CNIH3: variants seen among roughly 807,000 people sequenced by gnomAD.
CNIH3 encodes the protein protein cornichon homolog 3.
Under a neutral mutation model 24.1 loss-of-function variants are expected in CNIH3, and 14 were observed. The ratio of observed to expected loss-of-function variants is 0.58; its 90% CI spans 0.38 to 0.91. The LOEUF is 0.91. Among genes scored for constraint, CNIH3 ranks in the 40% least tolerant of loss-of-function variants. The pLI is 0.00. For synonymous variants in CNIH3, 68 were observed against 73.8 expected, an observed-to-expected ratio of 0.92 and a Z score of 0.40; for missense variants, 178 against 196.8, an observed-to-expected ratio of 0.90 and a Z score of 0.57.
At chr1:224,706,400 TC>T (rs1457484222) in intron 3 of CNIH3, among the ~76,000 whole-genome samples, 1 of 152,130 alleles carries the variant, frequency 6.6e-6, no homozygotes, top group Non-Finnish European at 1.5e-5. Context: ...CCTCGCCTGT[TC>T]CGGAGGGTCG....
At chr1:224,590,351 T>G (rs575724872), downstream of CNIH3, among the ~76,000 whole-genome samples, 7 of 152,354 alleles carry the variant, frequency 4.6e-5, no homozygotes, top group Non-Finnish European at 1.0e-4. Flanking sequence ...CCCTTTTTTG[T>G]GTAACTGCTG....
intron 1 of CNIH3, among the ~76,000 whole-genome samples, chr1:224,519,121 A>G (rs1678516329): frequency 6.6e-6 from 1 of 152,212 alleles, no homozygotes; most frequent in African/African-American, 2.4e-5. Context: ...AGTTACTACT[A>G]TGGTTATCGT....
chr1:224,471,404 A>G (rs543624436), intron 1 of CNIH3, among the ~76,000 whole-genome samples: 18 of 151,972 alleles, frequency 1.2e-4, no homozygotes, highest in Admixed American at 8.5e-4. Flanking sequence ...CCACTCCCCC[A>G]CTACCCTTCC....
intron 1 of CNIH3, among the ~76,000 whole-genome samples, chr1:224,637,634 T>C (rs1684159913): frequency 6.6e-6 from 1 of 152,206 alleles, no homozygotes; most frequent in Non-Finnish European, 1.5e-5. Flanking sequence ...GTTGTCTGGC[T>C]CAGTACAGTC....
intron 1 of CNIH3, among the ~76,000 whole-genome samples, chr1:224,622,047 A>G (rs770142510): frequency 2.6e-5 from 4 of 152,160 alleles, no homozygotes; most frequent in Non-Finnish European, 4.4e-5. Context: ...ACCTTCTGCC[A>G]TGATCATGAG....
intron 3 of CNIH3, among the ~76,000 whole-genome samples, chr1:224,607,919 C>T (rs1490127399): frequency 1.3e-5 from 2 of 152,124 alleles, no homozygotes; most frequent in East Asian, 3.8e-4. Flanking sequence ...CCTTTTACAG[C>T]ACTCAAAATT....
intron 3 of CNIH3, among the ~76,000 whole-genome samples, chr1:224,685,697 T>G (rs1686623358): frequency 6.6e-6 from 1 of 152,350 alleles, no homozygotes. Context: ...GAAAATACTT[T>G]GCAAGCTTTT....
chr1:224,465,915 C>T (rs1336005058), intron 1 of CNIH3, among the ~76,000 whole-genome samples: 1 of 152,154 alleles, frequency 6.6e-6, no homozygotes, highest in East Asian at 1.9e-4. Context: ...GTAATCTCAG[C>T]TACTCGGGAG....
intron 3 of CNIH3, among the ~76,000 whole-genome samples, chr1:224,727,029 C>T (rs751768366): frequency 5.9e-5 from 9 of 152,164 alleles, no homozygotes; most frequent in Non-Finnish European, 8.8e-5. Context: ...TGGGAGGGAA[C>T]GCCTGGTCTG....
chr1:224,438,527 C>T (rs1024054561), intron 1 of CNIH3, among the ~76,000 whole-genome samples: 1 of 152,180 alleles, frequency 6.6e-6, no homozygotes, highest in Non-Finnish European at 1.5e-5. Flanking sequence ...CAACTTGGCA[C>T]TTAGCAACAT....
intron 1 of CNIH3, among the ~76,000 whole-genome samples, chr1:224,640,413 G>A (rs74146218): frequency 0.026 from 3,945 of 152,298 alleles, 124 homozygotes; most frequent in African/African-American, 0.08. Context: ...CAGTTGCCCT[G>A]AGAGGCAATT....
At chr1:224,673,396 G>A (rs6426146) in intron 1 of CNIH3, among the ~76,000 whole-genome samples, 32,888 of 152,072 alleles carry the variant, frequency 0.22, 3,616 homozygotes, top group East Asian at 0.26. Flanking sequence ...CCTGCTGTCT[G>A]TCTCACTCTC....
At chr1:224,449,026 A>T (rs936800291) in intron 1 of CNIH3, among the ~76,000 whole-genome samples, 12 of 141,876 alleles carry the variant, frequency 8.5e-5, no homozygotes, top group African/African-American at 2.9e-4. Context: ...GTGCAATGGC[A>T]TGATCTTGGC....
upstream of CNIH3, among the ~76,000 whole-genome samples, chr1:224,613,181 G>A (rs1246948010): frequency 2.6e-5 from 4 of 151,912 alleles, no homozygotes; most frequent in South Asian, 4.2e-4. Context: ...TTTCATTTTT[G>A]TAGAGACCGG....
intron 1 of CNIH3, among the ~76,000 whole-genome samples, chr1:224,461,599 T>G (rs561786880): frequency 6.6e-6 from 1 of 152,376 alleles, no homozygotes; most frequent in African/African-American, 2.4e-5. Context: ...AAATGATTTC[T>G]TCAGTTACCA....
At chr1:224,730,299 A>G in intron 3 of CNIH3, 163 bp from the exon 4 acceptor site, 1 of 570,434 alleles carries the variant, frequency 1.8e-6, no homozygotes, top group Non-Finnish European at 3.1e-6. Context: ...AGAACTTACC[A>G]GAAATGGATC....
upstream of CNIH3, among the ~76,000 whole-genome samples, chr1:224,511,200 G>A (rs1350158597): frequency 6.6e-6 from 1 of 152,240 alleles, no homozygotes; most frequent in Admixed American, 6.5e-5. Flanking sequence ...GGTTAGGCCA[G>A]AGGGCTGCTT....
intron 1 of CNIH3, among the ~76,000 whole-genome samples, chr1:224,457,118 A>G (rs933093598): frequency 6.6e-6 from 1 of 152,212 alleles, no homozygotes; most frequent in Non-Finnish European, 1.5e-5. Context: ...AGCTCAGGAC[A>G]GCAGGCAGGT....
At chr1:224,725,980 G>A (rs1315336944) in intron 3 of CNIH3, among the ~76,000 whole-genome samples, 1 of 152,168 alleles carries the variant, frequency 6.6e-6, no homozygotes, top group African/African-American at 2.4e-5. Flanking sequence ...GGTCATTGAT[G>A]GGATAAAACA....
Sources: gnomAD v4.1 joint callset for allele counts (sites outside exome capture counted in the v4.1 genomes callset) on GRCh38, gnomAD v4.1.1 for gene constraint, MANE v1.5 for transcripts, NCBI Gene and HGNC (gene_info 2026-07-23, HGNC 2026-07-21) for gene names.